SAMD11: variants seen among roughly 807,000 people sequenced by gnomAD.
The protein encoded by SAMD11 is sterile alpha motif domain-containing protein 11.
Under a neutral mutation model 64.4 loss-of-function variants are expected in SAMD11, and 77 were observed. The ratio of observed to expected loss-of-function variants is 1.20; its 90% CI spans 0.99 to 1.44. The LOEUF (loss-of-function observed/expected upper bound fraction) is 1.44, where lower values mean the gene tolerates loss of function less well. Ranked by LOEUF, SAMD11 falls within the 40% of genes most tolerant of loss-of-function variation. The probability of loss-of-function intolerance (pLI) is 0.00; values close to 1 mark genes in which losing one functional copy is unlikely to be tolerated. For missense variants in SAMD11, 1,402 were observed against 943.3 expected (o/e 1.49, Z -6.37); for synonymous variants, 658 against 421.9 (o/e 1.56, Z -6.86).
Position 944,089 on chromosome 1 carries a change from A to G in SAMD11, c.2471A>G (p.Lys824Arg), listed in dbSNP as rs755565259. The G allele has an allele frequency of 7.4e-6, 12 of 1,612,304 alleles. No individual in the cohort carries two copies. Among genetic ancestry groups the G allele is most frequent in the Non-Finnish European group, 9.3e-6 (11 of 1,179,796 alleles). The change falls in exon 14 of 14, where the codon AAG becomes AGG. Residue 824 changes from lysine (K) to arginine (R), a missense_variant. Physicochemically the swap from Lys to Arg is conservative, Grantham distance 26. Coordinates refer to ENST00000616016, the MANE Select transcript of SAMD11 (RefSeq NM_001385641.1). ...GHALAGQTSP[K>R]QENGTLALLP... is the part of the protein sequence containing the mutation. ...GCCCTTGCCGGTCAAACTTCACCCA[A>G]GCAGGAGAATGGGACCTTGGCTCTA... is the stretch of plus-strand genomic sequence containing the variant.
chr1:925,371 G>A (rs910448407), intron 1 of SAMD11, among the ~76,000 whole-genome samples: 4 of 148,290 alleles, frequency 2.7e-5, no homozygotes, highest in African/African-American at 9.8e-5. Flanking sequence ...GGGCGCGCGC[G>A]GAGCCCGAGC....
Position 943,894 on chromosome 1 carries a change from C to G in SAMD11, c.2290-14C>G, listed in dbSNP as rs371911983. On this transcript the variant is annotated splice_polypyrimidine_tract_variant and intron_variant, in intron 13 of 13. Transcript: ENST00000616016. ...TGGGTGTGCGACAGCCCCCACCAGG[C>G]CATCTCTCTGCAGGTGGCCAGGCGC... The G allele has an allele frequency of 1.2e-6, 2 of 1,612,972 alleles. No individual in the cohort carries two copies. Among genetic ancestry groups the G allele is most frequent in the Non-Finnish European group, 1.7e-6 (2 of 1,179,980 alleles).
intron 5 of SAMD11, among the ~76,000 whole-genome samples, chr1:936,423 G>T (rs542814997): frequency 6.9e-6 from 1 of 144,628 alleles, no homozygotes. Flanking sequence ...GGACGGAGGG[G>T]GTCCCCGGTC....
In SAMD11 at chr1:944,111, T is replaced by C. The variant is rs2100368849; in HGVS notation, c.2493T>C (p.Ala831=). The C allele has an allele frequency of 6.2e-7, 1 of 1,606,192 alleles. No homozygotes were observed. The highest frequency in any genetic ancestry group is 8.5e-7 in the Non-Finnish European group (1 of 1,175,848). ...TSPKQENGTL[A]LLPGAPDPSQ... Reference sequence around the variant, plus strand: ...CCAAGCAGGAGAATGGGACCTTGGCTCTACTTCCAGGGGCCCCCGACCCTT... The same window carrying C: ...CCAAGCAGGAGAATGGGACCTTGGCCCTACTTCCAGGGGCCCCCGACCCTT... The change falls in exon 14 of 14, where the codon GCT becomes GCC. Residue 831 remains alanine, a synonymous_variant. Coordinates refer to ENST00000616016, the MANE Select transcript of SAMD11 (RefSeq NM_001385641.1).
chr1:943,434 T>A (rs1012011744), intron 12 of SAMD11, 57 bp downstream of exon 12: 109 of 1,408,254 alleles, frequency 7.7e-5, no homozygotes, highest in Non-Finnish European at 1.0e-4. Flanking sequence ...AGTCACTACC[T>A]CCCTGGAAAG....
At chr1:940,416 C>T (rs1328306745) in intron 7 of SAMD11, 2 of 152,104 alleles carry the variant, frequency 1.3e-5, no homozygotes, top group Middle Eastern at 3.4e-3. Context: ...CGGCTGGGCT[C>T]TGCGGGCTGG....
chr1:943,658 C>T (rs527875451), intron 12 of SAMD11, 40 bp from the exon 13 acceptor site: 3 of 1,488,138 alleles, frequency 2.0e-6, no homozygotes, highest in East Asian at 2.4e-5. Context: ...GAGGATGGAG[C>T]AGCACCCGGG....
Position 943,823 on chromosome 1 carries a change from A to C in SAMD11, c.2289+15A>C, listed in dbSNP as rs539460058. On this transcript the variant is annotated intron_variant, in intron 13 of 13. Transcript: ENST00000616016. ...TCCGGGCCCAGGTGAGACGCTGGGG[A>C]GTGAGGTCAGGGTCTCCAGACCACA... The C allele has an allele frequency of 9.9e-6, 16 of 1,612,792 alleles. No homozygotes were observed. The East Asian group carries it at 3.3e-4, about 34-fold the overall frequency.
chr1:932,234 A>G (rs1014500860), intron 4 of SAMD11, among the ~76,000 whole-genome samples: 2 of 152,204 alleles, frequency 1.3e-5, no homozygotes, highest in African/African-American at 4.8e-5. Flanking sequence ...TTTGTCAGCG[A>G]GGCCTGTAGG....
In SAMD11 at chr1:942,759, C is replaced by A. The variant is rs1350553332; in HGVS notation, c.1754C>A (p.Thr585Asn). The change falls in exon 11 of 14, where the codon ACC becomes AAC. Residue 585 changes from threonine to asparagine, a missense_variant. Transcript: ENST00000616016. ...GGGCCCCCGGGCTCCGGACCCCCCACCCCGTCCCGGGACTCTGCCCGGCGA... is the reference window on the plus strand; with the variant it reads ...GGGCCCCCGGGCTCCGGACCCCCCAACCCGTCCCGGGACTCTGCCCGGCGA... ...PQGPPGSGPP[T>N]PSRDSARRAP... The A allele has an allele frequency of 1.3e-6, 2 of 1,520,112 alleles. No homozygotes were observed. Among genetic ancestry groups the A allele is most frequent in the Non-Finnish European group, 1.8e-6 (2 of 1,137,744 alleles). 94.2% of individuals were successfully genotyped at this position (1,520,112 alleles called of 1,614,324 possible). A position where few individuals can be genotyped will look rare whatever the true frequency, so the allele number is the denominator to read the frequency against.
Position 931,087 on chromosome 1 carries a change from C to T in SAMD11, c.840C>T (p.Cys280=). Residue 280 remains cysteine, a splice_region_variant and synonymous_variant, in exon 4 of 14, where the codon TGC becomes TGT. Coordinates refer to ENST00000616016, the MANE Select transcript of SAMD11 (RefSeq NM_001385641.1). ...ACATCTCTTTCCGAGAGGCGTCCTG[C>T]AGGTAGGAGCCGTGCTGTGCGTGCA... ...DVNISFREAS[C]SQDGNLPTLI... is the part of the protein sequence containing the mutation. 1.9e-6 allele frequency: 3 copies of T among 1,612,304 alleles called. No homozygotes were observed. Among genetic ancestry groups the T allele is most frequent in the Non-Finnish European group, 2.5e-6 (3 of 1,179,572 alleles).
chr1:935,279 G>A (rs188127375), intron 4 of SAMD11, among the ~76,000 whole-genome samples: 2 of 152,134 alleles, frequency 1.3e-5, no homozygotes, highest in African/African-American at 4.8e-5. Context: ...TGCGTGGGGC[G>A]CGTCTCATCA....
At chr1:933,571 C>G (rs1641269073) in intron 4 of SAMD11, among the ~76,000 whole-genome samples, 1 of 152,142 alleles carries the variant, frequency 6.6e-6, no homozygotes, top group African/African-American at 2.4e-5. Context: ...GGGGAGAACT[C>G]CATGGCAGCT....
At position 939,297 on chromosome 1, in the gene SAMD11, G is replaced by T. The variant is rs778357559; in HGVS notation, c.1080G>T (p.Glu360Asp). 6.2e-7 allele frequency: 1 copy of T among 1,609,188 alleles called. No individual in the cohort carries two copies. Among genetic ancestry groups the T allele is most frequent in the Admixed American group, 1.7e-5 (1 of 59,598 alleles). ...SPQEALLLPR[E>D]LGPSMAPEDH... ...CAGAGGCGCTGCTGCTGCCGCGGGA[G>T]CTGGGGCCCAGCATGGCCCCGGAGG... Residue 360 changes from glutamate to aspartate, a missense_variant, in exon 7 of 14, where the codon GAG (glutamate) becomes GAT (aspartate). By Grantham distance (45) the Glu-to-Asp change is conservative. Coordinates refer to ENST00000616016, the MANE Select transcript of SAMD11 (RefSeq NM_001385641.1).
intron 4 of SAMD11, 80 bp from the exon 5 acceptor site, chr1:935,692 C>T: frequency 6.3e-7 from 1 of 1,585,058 alleles, no homozygotes; most frequent in South Asian, 1.1e-5. Flanking sequence ...ACACACAGAG[C>T]TAGGCACTCC....
At chr1:939,154 A>G in intron 6 of SAMD11, 25 bp downstream of exon 6, 1 of 1,563,866 alleles carries the variant, frequency 6.4e-7, no homozygotes, top group Non-Finnish European at 8.7e-7. Flanking sequence ...GGGACGAGAG[A>G]CAGGTCACCA....
In SAMD11 at chr1:943,332, C is replaced by T. The variant is rs148731148; in HGVS notation, c.2133C>T (p.Val711=). The change falls in exon 12 of 14, where the codon GTC becomes GTT. Residue 711 remains valine, a synonymous_variant. Coordinates refer to ENST00000616016, the MANE Select transcript of SAMD11 (RefSeq NM_001385641.1). The part of the protein sequence containing the change: ...EDVTKWTVDD[V]CSFVGGLSGC... ...TCACCAAGTGGACCGTGGATGACGT[C>T]TGCAGCTTCGTGGGGGGCCTGTCTG... 8.4e-5 allele frequency: 135 copies of T among 1,605,010 alleles called. No homozygotes were observed. In the African/African-American group the frequency reaches 9.5e-4, roughly 11 times the overall value.
chr1:939,241 G>A (rs748726116), intron 6 of SAMD11, 34 bp from the exon 7 acceptor site: 2 of 1,566,722 alleles, frequency 1.3e-6, no homozygotes, highest in South Asian at 1.2e-5. Context: ...GGCAGTGCCT[G>A]GAGAAACCTC....
chr1:931,322 C>T (rs1343889167), intron 4 of SAMD11, among the ~76,000 whole-genome samples: 2 of 152,222 alleles, frequency 1.3e-5, no homozygotes, highest in Non-Finnish European at 2.9e-5. Context: ...TCAGATGCAG[C>T]TCTCGGCAGC....
Sources: allele counts gnomAD v4.1 joint callset (sites outside exome capture counted in the v4.1 genomes callset), GRCh38; gene constraint gnomAD v4.1.1; transcripts MANE v1.5; gene names NCBI Gene and HGNC (gene_info 2026-07-23, HGNC 2026-07-21).